The following RBPMS variants were observed in gnomAD, a reference collection of about 807,000 sequenced individuals.
RBPMS encodes RNA binding protein, mRNA processing factor, also known as RNA-binding protein with multiple splicing.
Under a neutral mutation model 26.8 loss-of-function variants are expected in RBPMS, and 7 were observed. That is an observed-to-expected ratio of 0.26 (90% CI 0.15 to 0.49). The LOEUF (loss-of-function observed/expected upper bound fraction) is 0.49. Among genes scored for constraint, RBPMS ranks in the 20% least tolerant of loss-of-function variants. The probability of loss-of-function intolerance (pLI) is 0.98; values close to 1 mark genes in which losing one functional copy is unlikely to be tolerated. For synonymous variants in RBPMS, 96 were observed against 93.3 expected (o/e 1.03, Z -0.17); for missense variants, 186 against 250.0 (o/e 0.74, Z 1.73).
At chr8:30,494,403 A>G (rs1257887830) in intron 4 of RBPMS, among the ~76,000 whole-genome samples, 1 of 152,236 alleles carries the variant, frequency 6.6e-6, no homozygotes, top group Admixed American at 6.5e-5. Flanking sequence ...CATAGGGATT[A>G]GTGTTTATCA....
intron 5 of RBPMS, among the ~76,000 whole-genome samples, chr8:30,508,548 C>T (rs1447015801): frequency 1.3e-5 from 2 of 152,034 alleles, no homozygotes; most frequent in East Asian, 1.9e-4. Flanking sequence ...TGCCTTTTGT[C>T]CCTCATAATT....
At chr8:30,519,941 AT>A (rs1327075079) in intron 5 of RBPMS, among the ~76,000 whole-genome samples, 1 of 152,094 alleles carries the variant, frequency 6.6e-6, no homozygotes, top group Non-Finnish European at 1.5e-5. Flanking sequence ...TAAAAGCTTG[AT>A]GAGATTTGCA....
intron 1 of RBPMS, among the ~76,000 whole-genome samples, chr8:30,389,587 T>C (rs1464029288): frequency 6.6e-6 from 1 of 152,170 alleles, no homozygotes; most frequent in Non-Finnish European, 1.5e-5. Context: ...AGTACCTTTA[T>C]TTTTAGAAAT....
chr8:30,430,530 A>C (rs538504740), intron 1 of RBPMS, among the ~76,000 whole-genome samples: 1 of 152,342 alleles, frequency 6.6e-6, no homozygotes, highest in East Asian at 1.9e-4. Context: ...AATGTACAGT[A>C]CAAGTATATC....
chr8:30,484,566 G>A (rs1216372452), intron 4 of RBPMS, among the ~76,000 whole-genome samples: 2 of 152,090 alleles, frequency 1.3e-5, no homozygotes, highest in African/African-American at 4.8e-5. Flanking sequence ...GACTTCCATT[G>A]CAAAGAAACC....
At chr8:30,417,781 T>C (rs1810270958) in intron 1 of RBPMS, among the ~76,000 whole-genome samples, 1 of 152,252 alleles carries the variant, frequency 6.6e-6, no homozygotes, top group South Asian at 2.1e-4. Flanking sequence ...CACATTCTTT[T>C]TTTAGTAGCC....
chr8:30,524,808 G>A (rs11780175), intron 5 of RBPMS, among the ~76,000 whole-genome samples: 37,371 of 152,034 alleles, frequency 0.25, 4,934 homozygotes, highest in East Asian at 0.4. Context: ...ATAAGCATTT[G>A]ATCACATTAA....
At chr8:30,488,455 G>A (rs979856505) in intron 4 of RBPMS, among the ~76,000 whole-genome samples, 6 of 152,182 alleles carry the variant, frequency 3.9e-5, no homozygotes, top group African/African-American at 1.2e-4. Context: ...TAAGATTACA[G>A]GTGATAGATA....
At chr8:30,416,915 A>G (rs140432590) in intron 1 of RBPMS, among the ~76,000 whole-genome samples, 2,511 of 152,234 alleles carry the variant, frequency 0.016, 87 homozygotes, top group African/African-American at 0.057. Flanking sequence ...GATTACAGGC[A>G]TGCACCACTA....
rs59263085 is a variant in RBPMS, at chr8:30,568,430, A to G, written c.*111+2070A>G. ...TGAGGGGCAGGCAGCGGGCATCCTG[A>G]CCCCAGGCCCATCTGTCCCCACGTT... On this transcript the variant is annotated intron_variant, in intron 8 of 8. Coordinates refer to ENST00000397323, the MANE Select transcript of RBPMS (RefSeq NM_001008710.3). Among the ~76,000 whole-genome samples the G allele has an allele frequency of 3.6e-3, 544 of 152,224 alleles. 5 individuals are homozygous for G. The highest frequency in any genetic ancestry group is 0.012 in the African/African-American group (507 of 41,550).
In RBPMS at chr8:30,479,459, G is replaced by C. The variant is rs1818047947; in HGVS notation, c.246+82G>C. On this transcript the variant is annotated intron_variant, in intron 4 of 8. Transcript: ENST00000397323. ...GGAATCTCTTTGGACGGGAAATCAAGTGGAAAGAATATGACTGCACAGTCT... is the reference window on the plus strand; with the variant it reads ...GGAATCTCTTTGGACGGGAAATCAACTGGAAAGAATATGACTGCACAGTCT... 3 of 1,025,738 alleles carry C rather than the reference G, an allele frequency of 2.9e-6. No individual in the cohort carries two copies. The Admixed American group carries it at 5.9e-5, about 20-fold the overall frequency. The allele number at this position is 1,025,738 out of a possible 1,614,324, so 63.5% of individuals were successfully genotyped here. A position where few individuals can be genotyped will look rare whatever the true frequency, so the allele number is the denominator to read the frequency against.
chr8:30,390,022 T>G (rs1807602631), intron 1 of RBPMS, among the ~76,000 whole-genome samples: 1 of 152,192 alleles, frequency 6.6e-6, no homozygotes, highest in Admixed American at 6.5e-5. Context: ...TGAAAAGAAC[T>G]GATTTTAAAG....
At chr8:30,500,898 A>C (rs1339896956) in intron 4 of RBPMS, among the ~76,000 whole-genome samples, 1 of 152,046 alleles carries the variant, frequency 6.6e-6, no homozygotes, top group Non-Finnish European at 1.5e-5. Flanking sequence ...TAATGGTTTC[A>C]TATCTGATCT....
intron 5 of RBPMS, among the ~76,000 whole-genome samples, chr8:30,521,819 A>G (rs1314575059): frequency 1.3e-5 from 2 of 152,130 alleles, no homozygotes; most frequent in Non-Finnish European, 2.9e-5. Flanking sequence ...TACAGTGAAC[A>G]TGGGAGTACA....
chr8:30,455,330 A>C (rs1413485066), intron 1 of RBPMS, among the ~76,000 whole-genome samples: 1 of 152,150 alleles, frequency 6.6e-6, no homozygotes, highest in Non-Finnish European at 1.5e-5. Flanking sequence ...GGAAATTTAA[A>C]TCTCTGATTC....
chr8:30,524,939 A>T (rs1157541555), intron 5 of RBPMS, among the ~76,000 whole-genome samples: 1 of 152,196 alleles, frequency 6.6e-6, no homozygotes, highest in African/African-American at 2.4e-5. Context: ...GGAATATTCC[A>T]AGTTTAGTCT....
chr8:30,544,483 T>G lies in RBPMS; in HGVS notation c.398-11T>G. Reference sequence around the variant, plus strand: ...GTAACCACTAACTCTCGCCTTATTCTTTTCTTGCAGATGAGCTCACAGTGC... The same window carrying G: ...GTAACCACTAACTCTCGCCTTATTCGTTTCTTGCAGATGAGCTCACAGTGC... On this transcript the variant is annotated splice_polypyrimidine_tract_variant and intron_variant, in intron 5 of 8. Transcript: ENST00000397323. 1 of 1,612,754 alleles carries G rather than the reference T, an allele frequency of 6.2e-7. No homozygotes were observed. The highest frequency in any genetic ancestry group is 8.5e-7 in the Non-Finnish European group (1 of 1,178,770).
In RBPMS at chr8:30,570,743, ACT is replaced by A. The variant is rs1344247422; in HGVS notation, c.*221_*222del. 7.9e-5 allele frequency: 12 copies of A among 152,526 alleles called. No homozygotes were observed. Among genetic ancestry groups the A allele is most frequent in the African/African-American group, 2.7e-4 (11 of 41,424 alleles). The allele number at this position is 152,526 out of a possible 1,614,324, so 9.4% of individuals were successfully genotyped here. Reference sequence around the variant, plus strand: ...AAAATATAATTAATAAAAATGTTTTACTCTTTTACACTGTATAATTGTAAGAA... The same window carrying A: ...AAAATATAATTAATAAAAATGTTTTACTTTTACACTGTATAATTGTAAGAA... On this transcript the variant is annotated 3_prime_UTR_variant, in exon 9 of 9. Coordinates refer to ENST00000397323, the MANE Select transcript of RBPMS (RefSeq NM_001008710.3).
intron 1 of RBPMS, chr8:30,453,551 G>A (rs1438357481): frequency 6.6e-6 from 1 of 152,204 alleles, no homozygotes; most frequent in Non-Finnish European, 1.5e-5. Flanking sequence ...AAGAATAATA[G>A]TGAAAGTTCA....
Sources: allele counts gnomAD v4.1 joint callset (sites outside exome capture counted in the v4.1 genomes callset), GRCh38; gene constraint gnomAD v4.1.1; transcripts MANE v1.5; gene names NCBI Gene and HGNC (gene_info 2026-07-23, HGNC 2026-07-21).